The following CPXM2 variants were observed in gnomAD, a reference collection of about 807,000 sequenced individuals.
CPXM2 encodes the protein carboxypeptidase X, M14 family member 2, also known as inactive carboxypeptidase-like protein X2.
Under a neutral mutation model 86.1 loss-of-function variants are expected in CPXM2, and 66 were observed. The ratio of observed to expected loss-of-function variants is 0.77; its 90% CI spans 0.63 to 0.94. The LOEUF is 0.94. Among genes scored for constraint, CPXM2 ranks in the 40% least tolerant of loss-of-function variants. CPXM2 has a pLI of 0.00. For missense variants in CPXM2, 948 were observed against 1,026.3 expected, an observed-to-expected ratio of 0.92 and a Z score of 1.04; for synonymous variants, 388 against 400.2, an observed-to-expected ratio of 0.97 and a Z score of 0.36.
chr10:123,907,070 C>T (rs557434605), intron 2 of CPXM2, among the ~76,000 whole-genome samples: 20 of 152,296 alleles, frequency 1.3e-4, no homozygotes, highest in Admixed American at 3.3e-4. Flanking sequence ...TTAGGAAACA[C>T]GAAGCACGGT....
At chr10:123,856,765 T>A (rs1848732835) in intron 3 of CPXM2, among the ~76,000 whole-genome samples, 1 of 152,150 alleles carries the variant, frequency 6.6e-6, no homozygotes, top group Non-Finnish European at 1.5e-5. Flanking sequence ...CTAATTTTTG[T>A]ATGTTTAGTA....
chr10:123,748,618 G>A (rs765409937), intron 13 of CPXM2, among the ~76,000 whole-genome samples: 2 of 152,066 alleles, frequency 1.3e-5, no homozygotes, highest in Non-Finnish European at 2.9e-5. Context: ...CCAGGTACAC[G>A]CTCAGGTGGG....
chr10:123,905,528 C>T (rs1180710384), intron 2 of CPXM2, among the ~76,000 whole-genome samples: 1 of 152,220 alleles, frequency 6.6e-6, no homozygotes, highest in African/African-American at 2.4e-5. Flanking sequence ...TTGACCACAG[C>T]TCTGAAGCTT....
chr10:123,893,182 G>C (rs551465700), upstream of CPXM2, among the ~76,000 whole-genome samples: 636 of 149,600 alleles, frequency 4.3e-3, 5 homozygotes, highest in African/African-American at 0.015. Context: ...GGAACCCATG[G>C]AGTGCGCTAC....
intron 3 of CPXM2, among the ~76,000 whole-genome samples, chr10:123,850,773 C>T (rs887625165): frequency 1.3e-5 from 2 of 152,286 alleles, no homozygotes; most frequent in East Asian, 1.9e-4. Context: ...CTAAGATCTA[C>T]GGTAAGAATG....
chr10:123,875,807 C>CTTTTTTCTTTTTTTTTTTTTTTTT (rs1554888265), intron 2 of CPXM2, among the ~76,000 whole-genome samples: 1 of 84,680 alleles, frequency 1.2e-5, no homozygotes, highest in Non-Finnish European at 2.4e-5. Flanking sequence ...TCTTTTCTTT[C>CTTTTTTCTTTTTTTTTTTTTTTTT]TTTTTTTTTT....
intron 6 of CPXM2, among the ~76,000 whole-genome samples, chr10:123,787,780 G>C (rs1035981361): frequency 6.6e-6 from 1 of 152,026 alleles, no homozygotes; most frequent in African/African-American, 2.4e-5. Context: ...CCAGAAGCCC[G>C]GGCTCAGGAT....
rs74997443 is a variant in CPXM2, at chr10:123,862,394, T to C, written c.513+220A>G. On this transcript the variant is annotated intron_variant, in intron 3 of 13. Transcript: ENST00000241305. Reference sequence around the variant, plus strand: ...AGAGGAACAACCTGGGTCCAGGTACTGGTGGTCTCACTTTTACTCACGACA... The same window carrying C: ...AGAGGAACAACCTGGGTCCAGGTACCGGTGGTCTCACTTTTACTCACGACA... Among the ~76,000 whole-genome samples, 26,750 of 152,232 alleles carry C rather than the reference T, an allele frequency of 0.18. 3,102 individuals are homozygous for C. Among genetic ancestry groups the C allele is most frequent in the East Asian group, 0.42 (2,149 of 5,166 alleles).
chr10:123,927,848 T>C (rs1945637199), intron 2 of CPXM2, among the ~76,000 whole-genome samples: 1 of 152,244 alleles, frequency 6.6e-6, no homozygotes, highest in African/African-American at 2.4e-5. Flanking sequence ...TAGCAAGATA[T>C]CCAATCTCGT....
At chr10:123,899,648 GAGGAAGGGGA>G (rs1163881372) in intron 2 of CPXM2, among the ~76,000 whole-genome samples, 1 of 152,210 alleles carries the variant, frequency 6.6e-6, no homozygotes, top group Non-Finnish European at 1.5e-5. Context: ...GAGACCCTGG[GAGGAAGGGGA>G]AGGAAGGGAA....
At chr10:123,766,069 T>C (rs1264224867) in intron 10 of CPXM2, among the ~76,000 whole-genome samples, 3 of 152,188 alleles carry the variant, frequency 2.0e-5, no homozygotes, top group East Asian at 1.9e-4. Context: ...TTATAGGAAA[T>C]TGAATTACCT....
intron 2 of CPXM2, among the ~76,000 whole-genome samples, chr10:123,868,482 C>T (rs986314952): frequency 1.4e-4 from 21 of 152,176 alleles, no homozygotes; most frequent in Admixed American, 1.4e-3. Context: ...CTCGCAGCCA[C>T]AGTCCCGGGC....
At chr10:123,757,969 C>G (rs1352051639) in intron 11 of CPXM2, among the ~76,000 whole-genome samples, 1 of 152,062 alleles carries the variant, frequency 6.6e-6, no homozygotes, top group African/African-American at 2.4e-5. Flanking sequence ...TACCCAGGAC[C>G]TTGTATGTGT....
intron 4 of CPXM2, among the ~76,000 whole-genome samples, chr10:123,800,358 C>T (rs1462057009): frequency 1.3e-5 from 2 of 150,782 alleles, no homozygotes; most frequent in African/African-American, 2.4e-5. Flanking sequence ...ATCGATCACA[C>T]ACCACATTCC....
At chr10:123,799,259 A>G in intron 4 of CPXM2, 60 bp from the exon 5 acceptor site, 1 of 1,603,174 alleles carries the variant, frequency 6.2e-7, no homozygotes, top group Non-Finnish European at 8.5e-7. Context: ...TCTTCCATGA[A>G]GAGGTTTAGA....
chr10:123,862,742 T>A lies in CPXM2; in HGVS notation c.404-19A>T. 6.3e-7 allele frequency: 1 copy of A among 1,594,634 alleles called. No homozygotes were observed. The highest frequency in any genetic ancestry group is 8.6e-7 in the Non-Finnish European group (1 of 1,162,544). On this transcript the variant is annotated intron_variant, in intron 2 of 13. Coordinates refer to ENST00000241305, the MANE Select transcript of CPXM2 (RefSeq NM_198148.3). ...GGGCAACCTGGAAAGGACAAATGCT[T>A]GTTAAAAACAACGACAGATGCTGAA...
chr10:123,928,168 G>A (rs1945639880), intron 2 of CPXM2, among the ~76,000 whole-genome samples: 1 of 152,170 alleles, frequency 6.6e-6, no homozygotes, highest in Non-Finnish European at 1.5e-5. Flanking sequence ...GGTTTCTTGA[G>A]TGCTGAACAA....
At chr10:123,830,674 C>T (rs1031009534) in intron 4 of CPXM2, among the ~76,000 whole-genome samples, 4 of 152,200 alleles carry the variant, frequency 2.6e-5, no homozygotes, top group Admixed American at 6.5e-5. Context: ...AACAGGTTAG[C>T]GGGCTTGAAT....
At chr10:123,855,056 T>C (rs540511883) in intron 3 of CPXM2, among the ~76,000 whole-genome samples, 2 of 151,562 alleles carry the variant, frequency 1.3e-5, no homozygotes, top group East Asian at 3.9e-4. Flanking sequence ...GAACAGCATA[T>C]TACCATCATA....
Sources: gnomAD v4.1 joint callset for allele counts (sites outside exome capture counted in the v4.1 genomes callset) on GRCh38, gnomAD v4.1.1 for gene constraint, MANE v1.5 for transcripts, NCBI Gene and HGNC (gene_info 2026-07-23, HGNC 2026-07-21) for gene names.